ARHGEF26: variants seen among roughly 807,000 people sequenced by gnomAD.
ARHGEF26 encodes the protein Rho guanine nucleotide exchange factor 26.
Under a neutral mutation model 89.4 loss-of-function variants are expected in ARHGEF26, and 59 were observed. That is an observed-to-expected ratio of 0.66 (90% CI 0.54 to 0.82). The LOEUF (loss-of-function observed/expected upper bound fraction) is 0.82. Among genes scored for constraint, ARHGEF26 ranks in the 40% least tolerant of loss-of-function variants. ARHGEF26 has a pLI of 0.00. For synonymous variants in ARHGEF26, 500 were observed against 428.4 expected, an observed-to-expected ratio of 1.17 and a Z score of -2.06; for missense variants, 1,234 against 1,085.6, an observed-to-expected ratio of 1.14 and a Z score of -1.92.
intron 14 of ARHGEF26, 118 bp from the exon 15 acceptor site, chr3:154,255,209 TTCTC>T (rs1718420848): frequency 9.6e-7 from 1 of 1,044,892 alleles, no homozygotes; most frequent in African/African-American, 1.6e-5. Flanking sequence ...CTGTCCCACT[TTCTC>T]TTCTCACCGT....
rs1328434845 is a variant in ARHGEF26, at chr3:154,225,110, C to G, written c.1936-746C>G. ...ATTGTTCTGTAGTTTTGAGAGTTTT[C>G]CAGTTGGCTTGTACAAGACTGAATA... On this transcript the variant is annotated intron_variant, in intron 10 of 14. Coordinates refer to ENST00000465093, the MANE Select transcript of ARHGEF26 (RefSeq NM_015595.4). Among the ~76,000 whole-genome samples, 3 of 151,354 alleles carry G rather than the reference C, an allele frequency of 2.0e-5. No homozygotes were observed. The East Asian group carries it at 5.8e-4, about 29-fold the overall frequency.
intron 10 of ARHGEF26, among the ~76,000 whole-genome samples, chr3:154,221,570 TC>T (rs1371530891): frequency 6.6e-6 from 1 of 152,178 alleles, no homozygotes; most frequent in African/African-American, 2.4e-5. Flanking sequence ...AGGAAAAACA[TC>T]TAAATATCTA....
intron 11 of ARHGEF26, among the ~76,000 whole-genome samples, chr3:154,237,574 T>A (rs1032899003): frequency 9.7e-5 from 5 of 51,342 alleles, no homozygotes; most frequent in Non-Finnish European, 1.5e-4. Flanking sequence ...ACACACACAC[T>A]TAACTAGTTT....
intron 14 of ARHGEF26, 35 bp from the exon 15 acceptor site, chr3:154,255,296 T>C (rs770766890): frequency 6.3e-7 from 1 of 1,595,438 alleles, no homozygotes; most frequent in Non-Finnish European, 8.6e-7. Context: ...CTCCAAATAC[T>C]TGTTGTTTGG....
intron 11 of ARHGEF26, among the ~76,000 whole-genome samples, chr3:154,226,799 G>C (rs994489210): frequency 6.6e-6 from 1 of 152,126 alleles, no homozygotes; most frequent in Non-Finnish European, 1.5e-5. Flanking sequence ...TATGAACTTA[G>C]AGTGAAAACT....
At chr3:154,211,534 T>G (rs1231466139) in intron 9 of ARHGEF26, among the ~76,000 whole-genome samples, 8 of 151,994 alleles carry the variant, frequency 5.3e-5, no homozygotes, top group Non-Finnish European at 2.9e-5. Context: ...GGGGGTGGCA[T>G]CAGGGATTCA....
intron 12 of ARHGEF26, among the ~76,000 whole-genome samples, chr3:154,242,734 T>C (rs749582152): frequency 6.6e-6 from 1 of 152,102 alleles, no homozygotes; most frequent in Non-Finnish European, 1.5e-5. Flanking sequence ...AAAGAGTCAA[T>C]TGATGCAGCA....
rs929295964 is a variant in ARHGEF26, at chr3:154,121,734, T to C, written c.-51-208T>C. Among the ~76,000 whole-genome samples, 7 of 152,200 alleles carry C rather than the reference T, an allele frequency of 4.6e-5. No homozygotes were observed. The East Asian group carries it at 7.8e-4, about 17-fold the overall frequency. ...TGGCGCGGGAGGGACGCGGAGGTGA[T>C]TGGATTAATCCGCCTGGGCGGCAGC... On this transcript the variant is annotated intron_variant, in intron 1 of 14. Coordinates refer to ENST00000465093, the MANE Select transcript of ARHGEF26 (RefSeq NM_015595.4).
At position 154,255,884 on chromosome 3, in the gene ARHGEF26, A is replaced by G. The variant is rs765045962; in HGVS notation, c.*411A>G. On this transcript the variant is annotated 3_prime_UTR_variant, in exon 15 of 15. Transcript: ENST00000465093. Reference sequence around the variant, plus strand: ...GTTCTCCCAGTATTAGCAAGATTGTATATCTGTAAAGAATGTCCAGTTTTG... The same window carrying G: ...GTTCTCCCAGTATTAGCAAGATTGTGTATCTGTAAAGAATGTCCAGTTTTG... 34 of 993,200 alleles carry G rather than the reference A, an allele frequency of 3.4e-5. No homozygotes were observed. Among genetic ancestry groups the G allele is most frequent in the African/African-American group, 3.5e-5 (2 of 57,522 alleles). 61.5% of individuals were successfully genotyped at this position (993,200 alleles called of 1,614,324 possible). A position where few individuals can be genotyped will look rare whatever the true frequency, so the allele number is the denominator to read the frequency against.
chr3:154,139,646 G>A (rs1348998089), intron 4 of ARHGEF26, among the ~76,000 whole-genome samples: 1 of 152,056 alleles, frequency 6.6e-6, no homozygotes, highest in Non-Finnish European at 1.5e-5. Context: ...ATTTCTCAGG[G>A]CCACATCCAC....
intron 6 of ARHGEF26, among the ~76,000 whole-genome samples, chr3:154,163,443 G>T (rs1465919755): frequency 6.6e-6 from 1 of 152,076 alleles, no homozygotes; most frequent in Non-Finnish European, 1.5e-5. Context: ...TAATGTATTG[G>T]CATAGACTGT....
Position 154,244,684 on chromosome 3 carries a change from C to G in ARHGEF26, c.2300+4105C>G, listed in dbSNP as rs183917626. Among the ~76,000 whole-genome samples the G allele has an allele frequency of 3.4e-4, 52 of 151,658 alleles. 1 individual carries two copies. The South Asian group carries it at 8.8e-3, about 26-fold the overall frequency. ...AATATTACATAAAACAAAATATTAT[C>G]AATAACAAATTATAAATATATACAC... On this transcript the variant is annotated intron_variant, in intron 12 of 14. Transcript: ENST00000465093.
chr3:154,156,618 G>A (rs1273203987), intron 6 of ARHGEF26, among the ~76,000 whole-genome samples: 1 of 152,046 alleles, frequency 6.6e-6, no homozygotes, highest in Admixed American at 6.6e-5. Flanking sequence ...TTTTGATTTA[G>A]TTTGAAACAC....
intron 6 of ARHGEF26, among the ~76,000 whole-genome samples, chr3:154,154,989 C>T (rs1321106134): frequency 6.6e-6 from 1 of 151,918 alleles, no homozygotes; most frequent in Non-Finnish European, 1.5e-5. Flanking sequence ...AAGATACTGC[C>T]AAATTCTTCT....
At chr3:154,230,465 T>C (rs1465916544) in intron 11 of ARHGEF26, among the ~76,000 whole-genome samples, 2 of 152,160 alleles carry the variant, frequency 1.3e-5, no homozygotes, top group South Asian at 4.1e-4. Flanking sequence ...ATAAAGTTAT[T>C]GGGGGAAAAA....
intron 6 of ARHGEF26, among the ~76,000 whole-genome samples, chr3:154,153,136 G>A (rs975190509): frequency 2.0e-5 from 3 of 152,066 alleles, no homozygotes; most frequent in African/African-American, 7.2e-5. Flanking sequence ...CACAGCAGAC[G>A]GCTGTCCTAA....
chr3:154,201,086 T>C (rs1714601180), intron 9 of ARHGEF26, among the ~76,000 whole-genome samples: 1 of 152,100 alleles, frequency 6.6e-6, no homozygotes, highest in African/African-American at 2.4e-5. Context: ...ATGTGCCATG[T>C]TGGTGTGCTG....
chr3:154,183,998 A>G (rs1256268604), intron 6 of ARHGEF26, among the ~76,000 whole-genome samples: 1 of 100,160 alleles, frequency 1.0e-5, no homozygotes, highest in Non-Finnish European at 2.3e-5. Flanking sequence ...TTTGAGACGG[A>G]GTCTCGCTCT....
intron 4 of ARHGEF26, among the ~76,000 whole-genome samples, chr3:154,130,507 T>A (rs530865902): frequency 6.6e-6 from 1 of 152,232 alleles, no homozygotes; most frequent in Admixed American, 6.5e-5. Context: ...ATGAATGATA[T>A]TCTGTTCCAT....
Sources: gnomAD v4.1 joint callset for allele counts (sites outside exome capture counted in the v4.1 genomes callset) on GRCh38, gnomAD v4.1.1 for gene constraint, MANE v1.5 for transcripts, NCBI Gene and HGNC (gene_info 2026-07-23, HGNC 2026-07-21) for gene names.